Variants in MMP20 observed in about 807,000 individuals in gnomAD.
MMP20 encodes matrix metallopeptidase 20.
Under a neutral mutation model 51.8 loss-of-function variants are expected in MMP20, and 50 were observed. The ratio of observed to expected loss-of-function variants is 0.97; its 90% CI spans 0.77 to 1.22. MMP20 has a LOEUF of 1.22. MMP20 is among the 50% of genes most tolerant of loss of function. The pLI, the probability that MMP20 is intolerant of heterozygous loss-of-function variation, is 0.00. For missense variants in MMP20, 663 were observed against 601.4 expected, an observed-to-expected ratio of 1.10 and a Z score of -1.07; for synonymous variants, 244 against 216.2, an observed-to-expected ratio of 1.13 and a Z score of -1.13.
At chr11:102,605,459 T>C (rs1350759114) in intron 6 of MMP20, 1 of 151,922 alleles carries the variant, frequency 6.6e-6, no homozygotes, top group East Asian at 1.9e-4. Context: ...CTTATAATAG[T>C]AGCTCAACAA....
chr11:102,595,680 G>C (rs1352184592), intron 6 of MMP20, among the ~76,000 whole-genome samples: 1 of 152,114 alleles, frequency 6.6e-6, no homozygotes, highest in African/African-American at 2.4e-5. Flanking sequence ...AGAAAATCTA[G>C]TACACACATA....
In MMP20 at chr11:102,602,788, G is replaced by C. The variant is rs200032951; in HGVS notation, c.953+3747C>G. On this transcript the variant is annotated intron_variant, in intron 6 of 9. Transcript: ENST00000260228. ...GTACTTCTAAGATTTATAGATGATT[G>C]TGTGTGATATTCTTGATTTTACCCT... 7.9e-5 allele frequency among the ~76,000 whole-genome samples: 12 copies of C among 152,228 alleles called. No homozygotes were observed. In the East Asian group the frequency reaches 2.3e-3, roughly 29 times the overall value.
At chr11:102,613,562 C>T (rs1385547787) in intron 2 of MMP20, among the ~76,000 whole-genome samples, 1 of 152,170 alleles carries the variant, frequency 6.6e-6, no homozygotes, top group African/African-American at 2.4e-5. Context: ...ATCCAGAAAT[C>T]TGTGTTTTGA....
chr11:102,579,211 TG>T, intron 8 of MMP20, 69 bp from the exon 9 acceptor site: 3 of 1,060,494 alleles, frequency 2.8e-6, no homozygotes, highest in Non-Finnish European at 4.3e-6. Context: ...GACACTATAC[TG>T]GTCAGGCATA....
At position 102,601,125 on chromosome 11, in the gene MMP20, CTTTTTTTTTTTT is replaced by C. The variant is rs1168517234; in HGVS notation, c.953+5398_953+5409del. Reference sequence around the variant, plus strand: ...AAATGACCACGAAGTGTCGGCTATTCTTTTTTTTTTTTTTTTTTTTTTTTTGAGACGGAGTCT... The same window carrying C: ...AAATGACCACGAAGTGTCGGCTATTCTTTTTTTTTTTTTGAGACGGAGTCT... On this transcript the variant is annotated intron_variant, in intron 6 of 9. Coordinates refer to ENST00000260228, the MANE Select transcript of MMP20 (RefSeq NM_004771.4). Among the ~76,000 whole-genome samples, 4 of 28,252 alleles carry C rather than the reference CTTTTTTTTTTTT, an allele frequency of 1.4e-4. 1 individual carries two copies. The highest frequency in any genetic ancestry group is 1.8e-4 in the Non-Finnish European group (3 of 16,476). 18.5% of individuals were successfully genotyped at this position (28,252 alleles called of 152,430 possible). A position where few individuals can be genotyped will look rare whatever the true frequency, so the allele number is the denominator to read the frequency against.
intron 2 of MMP20, among the ~76,000 whole-genome samples, chr11:102,614,437 A>G (rs1407622986): frequency 6.6e-6 from 1 of 152,156 alleles, no homozygotes; most frequent in Non-Finnish European, 1.5e-5. Flanking sequence ...CAAGAATATT[A>G]TACTTCCCTA....
chr11:102,595,366 T>C (rs1391534946), intron 6 of MMP20, among the ~76,000 whole-genome samples: 1 of 152,200 alleles, frequency 6.6e-6, no homozygotes, highest in Admixed American at 6.5e-5. Flanking sequence ...TGAAAGAATA[T>C]AGCAAAGTAA....
chr11:102,589,459 A>G (rs1414285206), intron 8 of MMP20, among the ~76,000 whole-genome samples: 1 of 152,086 alleles, frequency 6.6e-6, no homozygotes, highest in African/African-American at 2.4e-5. Flanking sequence ...TTTACCCTCA[A>G]CTGTAAGATC....
At chr11:102,614,663 C>A (rs930485139) in intron 2 of MMP20, among the ~76,000 whole-genome samples, 2 of 152,084 alleles carry the variant, frequency 1.3e-5, no homozygotes, top group African/African-American at 4.8e-5. Context: ...GTTCAGCCTG[C>A]CACCTTATGG....
intron 5 of MMP20, chr11:102,607,284 C>T (rs1025884871): frequency 4.4e-5 from 7 of 160,266 alleles, no homozygotes; most frequent in Non-Finnish European, 9.6e-5. Context: ...TCTGGTGGAT[C>T]GTCTTGGAAA....
rs530637213 is a variant in MMP20, at chr11:102,613,498, G to A, written c.375-1595C>T. ...TTTTAGGGCCCACTCAGTGGCTCTC[G>A]AAGTTTAGGACCTGTGATAATTACC... On this transcript the variant is annotated intron_variant, in intron 2 of 9. Transcript: ENST00000260228. 2.7e-4 allele frequency among the ~76,000 whole-genome samples: 41 copies of A among 152,290 alleles called. No individual in the cohort carries two copies. The South Asian group carries it at 5.0e-3, about 19-fold the overall frequency.
intron 1 of MMP20, among the ~76,000 whole-genome samples, chr11:102,620,013 A>G (rs1301856625): frequency 6.6e-6 from 1 of 152,184 alleles, no homozygotes; most frequent in East Asian, 1.9e-4. Context: ...GTGCTTCCAT[A>G]AGATGTGATT....
intron 8 of MMP20, among the ~76,000 whole-genome samples, chr11:102,592,545 CA>C (rs1415413442): frequency 1.3e-5 from 2 of 152,258 alleles, no homozygotes; most frequent in East Asian, 3.9e-4. Context: ...TTTTATACCA[CA>C]AAAATGATTA....
chr11:102,611,773 T>G lies in MMP20; in HGVS notation c.505A>C (p.Ile169Leu), dbSNP rs17099008. Residue 169 changes from isoleucine to leucine, a missense_variant, in exon 3 of 10, where the codon ATA becomes CTA. Transcript: ENST00000260228. ...RINSGEADIM[I>L]SFENGDHGDS... Reference sequence around the variant, plus strand: ...ACAATACCTCCATTTTCAAAAGATATCATAATATCCGCTTCTCCTGAGTTT... The same window carrying G: ...ACAATACCTCCATTTTCAAAAGATAGCATAATATCCGCTTCTCCTGAGTTT... 12,355 of 1,614,134 alleles carry G rather than the reference T, an allele frequency of 7.7e-3. 262 individuals are homozygous for G. In the East Asian group the frequency reaches 0.083, roughly 11 times the overall value.
At chr11:102,601,787 G>A (rs904659519) in intron 6 of MMP20, among the ~76,000 whole-genome samples, 4 of 152,152 alleles carry the variant, frequency 2.6e-5, no homozygotes, top group Non-Finnish European at 5.9e-5. Flanking sequence ...TCTCAGCCAT[G>A]AGGCTTCTAC....
chr11:102,591,537 C>T lies in MMP20; in HGVS notation c.1247+1902G>A, dbSNP rs986556079. On this transcript the variant is annotated intron_variant, in intron 8 of 9. Coordinates refer to ENST00000260228, the MANE Select transcript of MMP20 (RefSeq NM_004771.4). ...TGCAGACCTTGCTAGGTATCTGTGT[C>T]TGCATGCATTACATCACTTAATACC... Among the ~76,000 whole-genome samples, 3 of 152,056 alleles carry T rather than the reference C, an allele frequency of 2.0e-5. No homozygotes were observed. In the South Asian group the frequency reaches 6.2e-4, roughly 31 times the overall value.
chr11:102,579,175 C>G (rs971367838), intron 8 of MMP20, 33 bp from the exon 9 acceptor site: 45 of 1,482,500 alleles, frequency 3.0e-5, no homozygotes, highest in Non-Finnish European at 4.1e-5. Context: ...AATAATATTA[C>G]TAAGAGGTTT....
intron 7 of MMP20, among the ~76,000 whole-genome samples, chr11:102,593,903 A>G (rs1158044058): frequency 6.6e-6 from 1 of 152,256 alleles, no homozygotes; most frequent in Non-Finnish European, 1.5e-5. Context: ...TCATAGATCT[A>G]CGAGAGAGAA....
intron 9 of MMP20, among the ~76,000 whole-genome samples, chr11:102,578,344 C>T (rs1002449325): frequency 1.3e-5 from 2 of 152,028 alleles, no homozygotes; most frequent in Non-Finnish European, 2.9e-5. Flanking sequence ...GCCATATTGC[C>T]CAAGCTGGTA....
Sources: gnomAD v4.1 joint callset for allele counts (sites outside exome capture counted in the v4.1 genomes callset) on GRCh38, gnomAD v4.1.1 for gene constraint, MANE v1.5 for transcripts, NCBI Gene and HGNC (gene_info 2026-07-23, HGNC 2026-07-21) for gene names.